Variants in SH3PXD2A observed in about 807,000 individuals in gnomAD.
SH3PXD2A encodes SH3 and PX domains 2A, also known as SH3 and PX domain-containing protein 2A.
A neutral mutation model predicts 115.2 loss-of-function variants in SH3PXD2A; 32 were observed. The ratio of observed to expected loss-of-function variants is 0.28; its 90% CI spans 0.21 to 0.37. The LOEUF is 0.37. Among genes scored for constraint, SH3PXD2A ranks in the 10% least tolerant of loss-of-function variants. The pLI is 1.00. For missense variants in SH3PXD2A, 1,328 were observed against 1,498.7 expected, an observed-to-expected ratio of 0.89 and a Z score of 1.88; for synonymous variants, 610 against 629.1, an observed-to-expected ratio of 0.97 and a Z score of 0.45.
intron 3 of SH3PXD2A, among the ~76,000 whole-genome samples, chr10:103,745,418 A>C (rs905782020): frequency 6.6e-6 from 1 of 152,246 alleles, no homozygotes; most frequent in African/African-American, 2.4e-5. Flanking sequence ...GTTATGTGAC[A>C]GGGGATGAGT....
At chr10:103,694,164 C>T (rs1209303129) in intron 5 of SH3PXD2A, among the ~76,000 whole-genome samples, 1 of 152,078 alleles carries the variant, frequency 6.6e-6, no homozygotes, top group African/African-American at 2.4e-5. Context: ...GGGCTCTCTC[C>T]GGAGTCCGAA....
At position 103,603,613 on chromosome 10, in the gene SH3PXD2A, C is replaced by G. The variant is rs1383030240; in HGVS notation, c.1605G>C (p.Glu535Asp). 1 of 1,604,428 alleles carries G rather than the reference C, an allele frequency of 6.2e-7. No homozygotes were observed. Among genetic ancestry groups the G allele is most frequent in the South Asian group, 1.1e-5 (1 of 89,138 alleles). The part of the protein sequence containing the change: ...PAPPSKPKEA[E>D]EGPTGASESQ... Reference sequence around the variant, plus strand: ...TCTCACTGGCCCCCGTAGGGCCCTCCTCGGCCTCCTTGGGCTTGCTGGGGG... The same window carrying G: ...TCTCACTGGCCCCCGTAGGGCCCTCGTCGGCCTCCTTGGGCTTGCTGGGGG... Residue 535 changes from glutamate to aspartate, a missense_variant, in exon 15 of 15, where the codon GAG becomes GAC. Around this residue, in one of 5 missense-constraint regions of SH3PXD2A, gnomAD observed 509 missense variants for 628.3 expected, o/e 0.81. Coordinates refer to ENST00000369774, the MANE Select transcript of SH3PXD2A (RefSeq NM_001394015.1).
chr10:103,635,438 T>C (rs975589051), intron 8 of SH3PXD2A, among the ~76,000 whole-genome samples: 8 of 152,244 alleles, frequency 5.3e-5, no homozygotes, highest in African/African-American at 1.7e-4. Flanking sequence ...GCCAGGGCGT[T>C]TGATGCCTGC....
At chr10:103,628,219 T>A (rs1253961367) in intron 8 of SH3PXD2A, among the ~76,000 whole-genome samples, 1 of 152,130 alleles carries the variant, frequency 6.6e-6, no homozygotes, top group African/African-American at 2.4e-5. Context: ...CACTGCACAG[T>A]CGCGGGAAGA....
chr10:103,804,318 T>TG (rs1291815920), intron 1 of SH3PXD2A, among the ~76,000 whole-genome samples: 5 of 133,084 alleles, frequency 3.8e-5, no homozygotes, highest in African/African-American at 1.5e-4. Context: ...CATCATCTTT[T>TG]TTTTTTTTTT....
chr10:103,775,550 G>A (rs2038869341), intron 2 of SH3PXD2A, among the ~76,000 whole-genome samples: 1 of 152,192 alleles, frequency 6.6e-6, no homozygotes, highest in African/African-American at 2.4e-5. Flanking sequence ...CCTTCCAGGG[G>A]GAGGAATGGC....
At chr10:103,649,691 G>A (rs1390633891) in intron 8 of SH3PXD2A, among the ~76,000 whole-genome samples, 1 of 152,238 alleles carries the variant, frequency 6.6e-6, no homozygotes, top group Non-Finnish European at 1.5e-5. Context: ...TCAAGATGCT[G>A]CTGTAATCAA....
chr10:103,631,829 A>G (rs2036784247), intron 8 of SH3PXD2A, among the ~76,000 whole-genome samples: 1 of 152,118 alleles, frequency 6.6e-6, no homozygotes, highest in Non-Finnish European at 1.5e-5. Context: ...TTCTAATGTC[A>G]GTAGCGGTCA....
At chr10:103,729,879 G>T (rs1011807276) in intron 4 of SH3PXD2A, among the ~76,000 whole-genome samples, 2 of 152,216 alleles carry the variant, frequency 1.3e-5, no homozygotes, top group Admixed American at 6.5e-5. Flanking sequence ...ACCATTTCAT[G>T]GGGGCCATGA....
intron 1 of SH3PXD2A, among the ~76,000 whole-genome samples, chr10:103,847,761 A>T (rs1459624972): frequency 2.0e-5 from 3 of 152,158 alleles, no homozygotes; most frequent in Admixed American, 6.5e-5. Context: ...CAACATGGCA[A>T]AACCCCACCT....
rs1288610310 is a variant in SH3PXD2A at position 103,756,978 on chromosome 10, A to C, written c.229+10116T>G. Among the ~76,000 whole-genome samples the C allele has an allele frequency of 1.3e-5, 2 of 152,046 alleles. No individual in the cohort carries two copies. The highest frequency in any genetic ancestry group is 2.9e-5 in the Non-Finnish European group (2 of 68,000). ...CTTCTGTCTCTAGCCTCAGCTGCCC[A>C]CTTGCCCTCTCACCTCTATCAACCC... On this transcript the variant is annotated intron_variant, in intron 3 of 14. Transcript: ENST00000369774. This position sits in a 1 kb window ranked among gnomAD's most constrained non-coding sequence, Gnocchi z 4.4.
chr10:103,708,652 C>G (rs1226729596), intron 5 of SH3PXD2A, among the ~76,000 whole-genome samples: 1 of 152,200 alleles, frequency 6.6e-6, no homozygotes, highest in African/African-American at 2.4e-5. Flanking sequence ...TGTCACCTTA[C>G]TGATGCCTTC....
intron 8 of SH3PXD2A, among the ~76,000 whole-genome samples, chr10:103,633,061 C>T (rs1416064213): frequency 3.3e-5 from 5 of 152,168 alleles, no homozygotes; most frequent in African/African-American, 1.2e-4. Flanking sequence ...AGACCTGAAG[C>T]CACACAGCCC....
At chr10:103,769,192 G>A (rs1168490610) in intron 2 of SH3PXD2A, among the ~76,000 whole-genome samples, 1 of 149,546 alleles carries the variant, frequency 6.7e-6, no homozygotes, top group Non-Finnish European at 1.5e-5. Flanking sequence ...GCGCGCGCGC[G>A]CGCATTTATT....
Position 103,603,155 on chromosome 10 carries a change from G to A in SH3PXD2A, c.2063C>T (p.Ala688Val). ...QAEMGKNHSSASFSSSITINT... is the reference protein window; with the variant it reads ...QAEMGKNHSSVSFSSSITINT... Reference sequence around the variant, plus strand: ...GATGGTGATGGATGAGGAAAAGGAGGCTGAGGAGTGGTTCTTCCCCATTTC... The same window carrying A: ...GATGGTGATGGATGAGGAAAAGGAGACTGAGGAGTGGTTCTTCCCCATTTC... The change falls in exon 15 of 15, where the codon GCC (alanine) becomes GTC (valine). Residue 688 changes from alanine to valine, a missense_variant. Ala to Val is a moderately conservative substitution (Grantham distance 64). Around this residue, in one of 5 missense-constraint regions of SH3PXD2A, gnomAD observed 574 missense variants for 565.7 expected, o/e 1.01. Coordinates refer to ENST00000369774, the MANE Select transcript of SH3PXD2A (RefSeq NM_001394015.1). 1 of 1,613,722 alleles carries A rather than the reference G, an allele frequency of 6.2e-7. No homozygotes were observed. Among genetic ancestry groups the A allele is most frequent in the Non-Finnish European group, 8.5e-7 (1 of 1,179,968 alleles).
intron 6 of SH3PXD2A, among the ~76,000 whole-genome samples, chr10:103,687,456 C>G (rs1242608249): frequency 6.6e-6 from 1 of 152,144 alleles, no homozygotes; most frequent in Non-Finnish European, 1.5e-5. Context: ...AGAGTGGGAC[C>G]CCAGGCAACC....
rs956872958 is a variant in SH3PXD2A, at chr10:103,756,428, C to T, written c.229+10666G>A. Among the ~76,000 whole-genome samples the T allele has an allele frequency of 5.3e-5, 8 of 152,108 alleles. No individual in the cohort carries two copies. The highest frequency in any genetic ancestry group is 1.4e-4 in the African/African-American group (6 of 41,418). The stretch of plus-strand genomic sequence containing the variant: ...TGGGGGCCGGAGCTCCTTCTCAATG[C>T]GCCTCAGTGTTCCCCTCCACCACCA... On this transcript the variant is annotated intron_variant, in intron 3 of 14. Coordinates refer to ENST00000369774, the MANE Select transcript of SH3PXD2A (RefSeq NM_001394015.1). The surrounding 1 kb of genome is among the most constrained non-coding windows in gnomAD (Gnocchi z 4.4).
intron 3 of SH3PXD2A, among the ~76,000 whole-genome samples, chr10:103,752,867 CTA>C: frequency 6.6e-6 from 1 of 152,172 alleles, no homozygotes; most frequent in East Asian, 1.9e-4. Context: ...CTTCTGGACA[CTA>C]TGCCTGCAAT....
At chr10:103,744,147 T>C (rs2038474206) in intron 3 of SH3PXD2A, among the ~76,000 whole-genome samples, 1 of 149,338 alleles carries the variant, frequency 6.7e-6, no homozygotes, top group Non-Finnish European at 1.5e-5. Flanking sequence ...GGCAGGCCCC[T>C]GCTTGTCTTT....
Sources: gnomAD v4.1 joint callset for allele counts (sites outside exome capture counted in the v4.1 genomes callset) on GRCh38, gnomAD v4.1.1 for gene constraint, gnomAD v4.1.1 regional missense constraint, Gnocchi (gnomAD v3.1) non-coding constraint, MANE v1.5 for transcripts, NCBI Gene and HGNC (gene_info 2026-07-23, HGNC 2026-07-21) for gene names.